Variants in SEC31A observed in about 807,000 individuals in gnomAD.
SEC31A encodes SEC31 homolog A, COPII component.
SEC31A carries 70 observed loss-of-function variants against 151.0 expected under a neutral mutation model. The ratio of observed to expected loss-of-function variants is 0.46; its 90% CI spans 0.38 to 0.57. The LOEUF (loss-of-function observed/expected upper bound fraction) is 0.57. Among genes scored for constraint, SEC31A ranks in the 20% least tolerant of loss-of-function variants. The probability of loss-of-function intolerance (pLI) is 0.00; values close to 1 mark genes in which losing one functional copy is unlikely to be tolerated. For missense variants in SEC31A, 1,330 were observed against 1,471.2 expected (o/e 0.90, Z 1.57); for synonymous variants, 475 against 505.9 (o/e 0.94, Z 0.82).
At chr4:82,824,696 C>T (rs1724135477) in intron 24 of SEC31A, 22 bp from the exon 25 acceptor site, 1 of 1,610,724 alleles carries the variant, frequency 6.2e-7, no homozygotes, top group Non-Finnish European at 8.5e-7. Context: ...ACACCAAAAA[C>T]TGATCAGAAA....
chr4:82,864,707 C>G, intron 10 of SEC31A, 109 bp from the exon 11 acceptor site: 1 of 734,872 alleles, frequency 1.4e-6, no homozygotes, highest in Non-Finnish European at 2.3e-6. Context: ...GTTGATACAA[C>G]CTCTCATGCG....
At chr4:82,883,793 C>A (rs1341411522) in intron 1 of SEC31A, among the ~76,000 whole-genome samples, 2 of 149,024 alleles carry the variant, frequency 1.3e-5, no homozygotes, top group Non-Finnish European at 3.0e-5. Flanking sequence ...TGCGCCACTG[C>A]AATCCAGCCT....
rs372049407 is a variant in SEC31A, at chr4:82,854,465, G to A, written c.2008+438C>T. 2.8e-4 allele frequency among the ~76,000 whole-genome samples: 43 copies of A among 151,962 alleles called. No individual in the cohort carries two copies. The East Asian group carries it at 2.9e-3, about 10-fold the overall frequency. On this transcript the variant is annotated intron_variant, in intron 17 of 26. Coordinates refer to ENST00000395310, the MANE Select transcript of SEC31A (RefSeq NM_001077207.4). Reference sequence around the variant, plus strand: ...TTTGTTTTTATACTAGTAGCCTTAAGCTTTTCTTGCAAATATTTATTCCTT... The same window carrying A: ...TTTGTTTTTATACTAGTAGCCTTAAACTTTTCTTGCAAATATTTATTCCTT...
chr4:82,856,682 TG>T (rs1476805595), intron 16 of SEC31A, among the ~76,000 whole-genome samples: 1 of 151,876 alleles, frequency 6.6e-6, no homozygotes, highest in Non-Finnish European at 1.5e-5. Context: ...ACCCAGAAGG[TG>T]GAGGTTGCAG....
intron 22 of SEC31A, among the ~76,000 whole-genome samples, chr4:82,841,746 T>C (rs934377717): frequency 1.9e-4 from 29 of 150,560 alleles, no homozygotes; most frequent in African/African-American, 6.8e-4. Flanking sequence ...CCGAAGCGGG[T>C]GGATCACTTG....
intron 24 of SEC31A, among the ~76,000 whole-genome samples, chr4:82,826,442 C>T (rs1156247673): frequency 6.6e-6 from 1 of 152,220 alleles, no homozygotes; most frequent in Non-Finnish European, 1.5e-5. Flanking sequence ...CAACCTCTGC[C>T]TGCTGAGTTC....
At chr4:82,827,782 C>G in intron 23 of SEC31A, 150 bp from the exon 24 acceptor site, 2 of 749,616 alleles carry the variant, frequency 2.7e-6, no homozygotes, top group East Asian at 5.3e-5. Flanking sequence ...AAATTTTATG[C>G]AGAATAAAGT....
chr4:82,875,838 A>G lies in SEC31A; in HGVS notation c.403-16T>C. 7.2e-7 allele frequency: 1 copy of G among 1,381,504 alleles called. No individual in the cohort carries two copies. The allele number at this position is 1,381,504 out of a possible 1,614,324, so 85.6% of individuals were successfully genotyped here. ...CCAGATTAGTCTGCAAGAAGAAACCATAACTAAATAGCACTTATGAATAAT... is the reference window on the plus strand; with the variant it reads ...CCAGATTAGTCTGCAAGAAGAAACCGTAACTAAATAGCACTTATGAATAAT... On this transcript the variant is annotated splice_polypyrimidine_tract_variant and intron_variant, in intron 4 of 26. Coordinates refer to ENST00000395310, the MANE Select transcript of SEC31A (RefSeq NM_001077207.4).
intron 1 of SEC31A, among the ~76,000 whole-genome samples, chr4:82,885,603 T>C (rs899611137): frequency 4.6e-5 from 7 of 152,190 alleles, no homozygotes; most frequent in African/African-American, 1.7e-4. Flanking sequence ...AGTGTTTACC[T>C]TTGAACTCCT....
At chr4:82,881,107 A>G (rs930371833) in intron 2 of SEC31A, among the ~76,000 whole-genome samples, 185 bp from the exon 3 acceptor site, 1 of 152,198 alleles carries the variant, frequency 6.6e-6, no homozygotes, top group Non-Finnish European at 1.5e-5. Flanking sequence ...GAGGATGTTT[A>G]TAAGAGTGGG....
At chr4:82,827,262 G>T (rs1301669926) in intron 24 of SEC31A, 107 bp downstream of exon 24, 3 of 1,266,564 alleles carry the variant, frequency 2.4e-6, no homozygotes, top group South Asian at 1.4e-5. Context: ...TGTTTAGGTT[G>T]TCTAGATGTT....
At chr4:82,824,500 T>C in intron 25 of SEC31A, 55 bp downstream of exon 25, 1 of 1,586,388 alleles carries the variant, frequency 6.3e-7, no homozygotes. Context: ...CCACCACACC[T>C]GGCCAAGGAT....
Position 82,866,795 on chromosome 4 carries a change from A to C in SEC31A, c.1197+13T>G, listed in dbSNP as rs1412017515. 1 of 1,596,052 alleles carries C rather than the reference A, an allele frequency of 6.3e-7. No individual in the cohort carries two copies. Among genetic ancestry groups the C allele is most frequent in the Admixed American group, 1.9e-5 (1 of 54,018 alleles). On this transcript the variant is annotated intron_variant, in intron 10 of 26. Coordinates refer to ENST00000395310, the MANE Select transcript of SEC31A (RefSeq NM_001077207.4). ...CTTTGTGCCTATGGACCATAAAAAC[A>C]AAATCCACCTACTGAAAAAGAAGCA...
intron 26 of SEC31A, 97 bp downstream of exon 26, chr4:82,820,940 C>T: frequency 1.1e-6 from 1 of 924,274 alleles, no homozygotes. Flanking sequence ...GACAATTTTG[C>T]CCCCATGCAT....
intron 11 of SEC31A, among the ~76,000 whole-genome samples, chr4:82,863,730 G>GATACAAAACTCAAACTATGTGGA (rs1269138827): frequency 6.6e-6 from 1 of 152,030 alleles, no homozygotes; most frequent in East Asian, 1.9e-4. Flanking sequence ...AGGTTAAACT[G>GATACAAAACTCAAACTATGTGGA]ATACAAAACT....
intron 25 of SEC31A, 59 bp downstream of exon 25, chr4:82,824,496 C>T: frequency 6.3e-7 from 1 of 1,581,034 alleles, no homozygotes; most frequent in Non-Finnish European, 8.6e-7. Flanking sequence ...TAAGCCACCA[C>T]ACCTGGCCAA....
intron 14 of SEC31A, among the ~76,000 whole-genome samples, chr4:82,858,940 A>T (rs961587526): frequency 6.6e-5 from 10 of 152,004 alleles, no homozygotes; most frequent in Non-Finnish European, 1.5e-4. Flanking sequence ...TGACCTCATG[A>T]TCCGCCCTCC....
In SEC31A at chr4:82,864,435, A is replaced by C. The variant is rs764243110; in HGVS notation, c.1361T>G (p.Phe454Cys). The C allele has an allele frequency of 5.0e-6, 8 of 1,614,060 alleles. No homozygotes were observed. The Admixed American group carries it at 6.7e-5, about 13-fold the overall frequency. Reference protein sequence around the residue: ...QLQQAVQSQGFINYCQKKIDA... With the variant: ...QLQQAVQSQGCINYCQKKIDA... ...AATTTTTTTTTGGCAATAATTGATA[A>C]ATCCTTGTGACTGCACAGCCTGCTG... is the stretch of plus-strand genomic sequence containing the variant. Residue 454 changes from phenylalanine (F) to cysteine (C), a missense_variant, in exon 11 of 27, where the codon TTT becomes TGT. Transcript: ENST00000395310.
intron 8 of SEC31A, among the ~76,000 whole-genome samples, chr4:82,868,912 A>G (rs960513129): frequency 6.6e-6 from 1 of 152,016 alleles, no homozygotes; most frequent in East Asian, 1.9e-4. Context: ...CTTGCCTCCC[A>G]AAGTGCTGAG....
Sources: gnomAD v4.1 joint callset for allele counts (sites outside exome capture counted in the v4.1 genomes callset) on GRCh38, gnomAD v4.1.1 for gene constraint, MANE v1.5 for transcripts, NCBI Gene and HGNC (gene_info 2026-07-23, HGNC 2026-07-21) for gene names.